C4BPA: variants seen among roughly 807,000 people sequenced by gnomAD.
C4BPA encodes the protein complement component 4 binding protein alpha, also known as C4b-binding protein alpha chain.
C4BPA carries 31 observed loss-of-function variants against 63.7 expected under a neutral mutation model. The ratio of observed to expected loss-of-function variants is 0.49; its 90% CI spans 0.37 to 0.66. The LOEUF is 0.66. Ranked by LOEUF, C4BPA falls within the 30% of genes least tolerant of loss-of-function variation. The pLI is 0.00. For missense variants in C4BPA, 572 were observed against 723.3 expected (o/e 0.79, Z 2.40); for synonymous variants, 259 against 254.7 (o/e 1.02, Z -0.16).
chr1:207,138,236 A>G (rs1685335210), intron 9 of C4BPA, among the ~76,000 whole-genome samples: 1 of 152,238 alleles, frequency 6.6e-6, no homozygotes, highest in Admixed American at 6.5e-5. Flanking sequence ...GTGGCTGGGC[A>G]CAGGTAGGAA....
intron 9 of C4BPA, among the ~76,000 whole-genome samples, chr1:207,137,291 A>G (rs75429723): frequency 0.066 from 10,051 of 152,316 alleles, 495 homozygotes; most frequent in Admixed American, 0.091. Flanking sequence ...GGTCTCAATC[A>G]ATTTAGAAAA....
intron 4 of C4BPA, among the ~76,000 whole-genome samples, chr1:207,118,033 A>C (rs12745492): frequency 1.1e-4 from 16 of 152,006 alleles, no homozygotes; most frequent in Non-Finnish European, 8.8e-5. Context: ...AAGAGTTTAA[A>C]CCTCTGGCAA....
Position 207,131,566 on chromosome 1 carries a change from G to A in C4BPA, c.910G>A (p.Asp304Asn), listed in dbSNP as rs1685160205. Residue 304 changes from aspartate to asparagine, a missense_variant, in exon 8 of 12, where the codon GAC becomes AAC. This residue lies in a region of C4BPA where 465 missense variants were observed against 629.4 expected (regional missense o/e 0.74). Transcript: ENST00000367070. ...CEPNSCINLP[D>N]IPHASWETYP... ...AGTAGATAGTTGTATTAATTTACCAGACATTCCACATGCTTCCTGGGAAAC... is the reference window on the plus strand; with the variant it reads ...AGTAGATAGTTGTATTAATTTACCAAACATTCCACATGCTTCCTGGGAAAC... 7 of 1,610,460 alleles carry A rather than the reference G, an allele frequency of 4.3e-6. No individual in the cohort carries two copies. The East Asian group carries it at 1.6e-4, about 36-fold the overall frequency.
In C4BPA at chr1:207,119,726, G is replaced by A. The variant is rs1481180545; in HGVS notation, c.429-4196G>A. 9.8e-5 allele frequency among the ~76,000 whole-genome samples: 9 copies of A among 92,142 alleles called. 4 individuals are homozygous for A. Among genetic ancestry groups the A allele is most frequent in the Non-Finnish European group, 2.4e-4 (9 of 37,262 alleles). The allele number at this position is 92,142 out of a possible 152,430, so 60.4% of individuals were successfully genotyped here. A position where few individuals can be genotyped will look rare whatever the true frequency, so the allele number is the denominator to read the frequency against. Reference sequence around the variant, plus strand: ...CATCTTATACAGTAGGGGAAGGAAAGGGGTAAAAAGAAACACAATTAATGT... The same window carrying A: ...CATCTTATACAGTAGGGGAAGGAAAAGGGTAAAAAGAAACACAATTAATGT... On this transcript the variant is annotated intron_variant, in intron 4 of 11. Coordinates refer to ENST00000367070, the MANE Select transcript of C4BPA (RefSeq NM_000715.4).
chr1:207,106,441 G>GTTTTTTTTTTTTTTTTTT (rs757122192), intron 1 of C4BPA, among the ~76,000 whole-genome samples: 3 of 118,440 alleles, frequency 2.5e-5, no homozygotes, highest in Admixed American at 8.1e-5. Flanking sequence ...CTCCGTGTAA[G>GTTTTTTTTTTTTTTTTTT]TTTTTTTTTT....
chr1:207,136,520 T>A (rs1390913384), intron 9 of C4BPA, among the ~76,000 whole-genome samples: 1 of 152,212 alleles, frequency 6.6e-6, no homozygotes, highest in Non-Finnish European at 1.5e-5. Context: ...ATTCATTCCA[T>A]GCCCTGAATC....
intron 1 of C4BPA, among the ~76,000 whole-genome samples, chr1:207,109,878 T>C (rs753550205): frequency 6.6e-5 from 10 of 152,348 alleles, no homozygotes; most frequent in Admixed American, 4.6e-4. Flanking sequence ...TACAGGTGTT[T>C]GCCTTGCTTT....
chr1:207,121,050 C>A (rs1380864208), intron 4 of C4BPA, among the ~76,000 whole-genome samples: 4 of 152,220 alleles, frequency 2.6e-5, no homozygotes, highest in African/African-American at 7.2e-5. Flanking sequence ...TCAATGGATT[C>A]TCTTGCCCCG....
chr1:207,136,370 G>A (rs982553936), intron 9 of C4BPA, among the ~76,000 whole-genome samples: 2 of 152,074 alleles, frequency 1.3e-5, no homozygotes, highest in African/African-American at 4.8e-5. Flanking sequence ...GGGATGCTCT[G>A]GTGTTAACAC....
At chr1:207,108,563 A>G (rs1684603740) in intron 1 of C4BPA, among the ~76,000 whole-genome samples, 1 of 152,228 alleles carries the variant, frequency 6.6e-6, no homozygotes, top group Non-Finnish European at 1.5e-5. Context: ...TTAACTAGTT[A>G]GCAACCAGAG....
At chr1:207,144,510 C>T (rs775370397) in intron 11 of C4BPA, 34 bp from the exon 12 acceptor site, 1 of 1,544,084 alleles carries the variant, frequency 6.5e-7, no homozygotes, top group Admixed American at 2.0e-5. Flanking sequence ...AGAAGAGAAG[C>T]TTCTCAATCA....
At chr1:207,130,665 G>A (rs567871599) in intron 7 of C4BPA, among the ~76,000 whole-genome samples, 1 of 152,130 alleles carries the variant, frequency 6.6e-6, no homozygotes, top group East Asian at 1.9e-4. Context: ...GATGAACCTT[G>A]AAAATATTAT....
intron 7 of C4BPA, among the ~76,000 whole-genome samples, chr1:207,130,361 T>C (rs1685133907): frequency 6.6e-6 from 1 of 152,198 alleles, no homozygotes; most frequent in Admixed American, 6.5e-5. Flanking sequence ...GGAATGTAAA[T>C]TGGTGCAACC....
At chr1:207,126,654 A>G (rs2102343046) in intron 6 of C4BPA, 59 bp from the exon 7 acceptor site, 7 of 1,286,952 alleles carry the variant, frequency 5.4e-6, no homozygotes, top group East Asian at 4.6e-5. Context: ...CAGTGGCAGT[A>G]ATATCCTTAT....
At chr1:207,123,094 A>G (rs1684953056) in intron 4 of C4BPA, among the ~76,000 whole-genome samples, 1 of 152,186 alleles carries the variant, frequency 6.6e-6, no homozygotes, top group South Asian at 2.1e-4. Context: ...CAGAACTAAG[A>G]TGCTGTTGAA....
chr1:207,136,695 T>C (rs1008834514), intron 9 of C4BPA, among the ~76,000 whole-genome samples: 2 of 152,204 alleles, frequency 1.3e-5, no homozygotes, highest in Non-Finnish European at 2.9e-5. Context: ...GTGAAGGGCA[T>C]GCCATTTCAA....
Position 207,143,854 on chromosome 1 carries a change from T to G in C4BPA, c.1481T>G (p.Leu494Trp). 6.2e-7 allele frequency: 1 copy of G among 1,613,586 alleles called. No individual in the cohort carries two copies. Among genetic ancestry groups the G allele is most frequent in the East Asian group, 2.2e-5 (1 of 44,836 alleles). Reference protein sequence around the residue: ...CRKPELVNGRLSVDKDQYVEP... With the variant: ...CRKPELVNGRWSVDKDQYVEP... ...AAACCAGAATTAGTGAATGGAAGGT[T>G]GTCTGTGGATAAGGATCAGTATGTT... The change falls in exon 11 of 12, where the codon TTG (leucine) becomes TGG (tryptophan). Residue 494 changes from leucine (L) to tryptophan (W), a missense_variant. Coordinates refer to ENST00000367070, the MANE Select transcript of C4BPA (RefSeq NM_000715.4).
At chr1:207,107,696 T>C (rs1684588249) in intron 1 of C4BPA, among the ~76,000 whole-genome samples, 1 of 152,146 alleles carries the variant, frequency 6.6e-6, no homozygotes, top group South Asian at 2.1e-4. Context: ...TTAAGCAGAG[T>C]AACAACACAT....
At position 207,144,631 on chromosome 1, in the gene C4BPA, G is replaced by T; in HGVS notation, c.1708G>T (p.Glu570Ter). The T allele has an allele frequency of 1.2e-6, 2 of 1,613,640 alleles. No homozygotes were observed. The highest frequency in any genetic ancestry group is 1.7e-6 in the Non-Finnish European group (2 of 1,179,782). ...PNPEDVKMAL[E>*]VYKLSLEIEQ... ...CCCAGAGGATGTGAAAATGGCCCTGGAGGTATATAAGCTGTCTCTGGAAAT... is the reference window on the plus strand; with the variant it reads ...CCCAGAGGATGTGAAAATGGCCCTGTAGGTATATAAGCTGTCTCTGGAAAT... Residue 570 changes from glutamate (E) to a stop codon, truncating the protein, a stop_gained, in exon 12 of 12, where the codon GAG (glutamate) becomes TAG (stop). Coordinates refer to ENST00000367070, the MANE Select transcript of C4BPA (RefSeq NM_000715.4). LOFTEE classifies it low-confidence loss of function (END_TRUNC).
Sources: allele counts gnomAD v4.1 joint callset (sites outside exome capture counted in the v4.1 genomes callset), GRCh38; gene constraint gnomAD v4.1.1; regional missense constraint gnomAD v4.1.1; transcripts MANE v1.5; gene names NCBI Gene and HGNC (gene_info 2026-07-23, HGNC 2026-07-21).